MTERF3: variants seen among roughly 807,000 people sequenced by gnomAD.
MTERF3 encodes transcription termination factor 3, mitochondrial.
Under a neutral mutation model 40.5 loss-of-function variants are expected in MTERF3, and 40 were observed. The ratio of observed to expected loss-of-function variants is 0.99; its 90% CI spans 0.77 to 1.29. MTERF3 has a LOEUF of 1.29. MTERF3 is among the 50% of genes most tolerant of loss of function. MTERF3 has a pLI of 0.00. For missense variants in MTERF3, 452 were observed against 478.2 expected (o/e 0.95, Z 0.51); for synonymous variants, 158 against 166.6 (o/e 0.95, Z 0.40).
intron 3 of MTERF3, among the ~76,000 whole-genome samples, chr8:96,256,571 T>G (rs1388532117): frequency 6.6e-6 from 1 of 151,984 alleles, no homozygotes; most frequent in African/African-American, 2.4e-5. Flanking sequence ...TAGTCATAAT[T>G]TAACTACTGA....
At chr8:96,257,684 T>C (rs1020556102) in intron 2 of MTERF3, among the ~76,000 whole-genome samples, 8 of 152,156 alleles carry the variant, frequency 5.3e-5, no homozygotes, top group Non-Finnish European at 1.0e-4. Context: ...AAACGCAGCA[T>C]GGAAGACACT....
At chr8:96,250,624 AAGAAGAAGAAGAAGAAGAAGAAGAAG>A (rs1810136698) in intron 4 of MTERF3, among the ~76,000 whole-genome samples, 1 of 12,734 alleles carries the variant, frequency 7.9e-5, no homozygotes, top group South Asian at 3.3e-3. Context: ...GCAGAAGAAG[AAGAAGAAGAAGAAGAAGAAGAAGAAG>A]AAGAAGAAGA....
chr8:96,239,954 G>A (rs1487820778), intron 7 of MTERF3: 4 of 608,944 alleles, frequency 6.6e-6, no homozygotes, highest in Non-Finnish European at 1.2e-5. Flanking sequence ...AGACAGAGGA[G>A]AATGTGTTAA....
intron 3 of MTERF3, among the ~76,000 whole-genome samples, chr8:96,251,626 T>A (rs1457082837): frequency 1.3e-5 from 2 of 152,138 alleles, no homozygotes; most frequent in African/African-American, 4.8e-5. Flanking sequence ...ACACGTCCCT[T>A]GAAGAAACTC....
At chr8:96,248,336 A>T (rs1810060070) in intron 4 of MTERF3, among the ~76,000 whole-genome samples, 1 of 152,260 alleles carries the variant, frequency 6.6e-6, no homozygotes, top group African/African-American at 2.4e-5. Flanking sequence ...ATGCTTATCA[A>T]TAGGTACTAG....
In MTERF3 at chr8:96,252,394, T is replaced by C. The variant is rs1328688299; in HGVS notation, c.488-1299A>G. Among the ~76,000 whole-genome samples the C allele has an allele frequency of 2.6e-5, 4 of 152,222 alleles. No homozygotes were observed. The East Asian group carries it at 7.7e-4, about 29-fold the overall frequency. ...TCTTTATATCTTATACGGAAATTAATTCTAGATAAAGAATCTAAACATACA... is the reference window on the plus strand; with the variant it reads ...TCTTTATATCTTATACGGAAATTAACTCTAGATAAAGAATCTAAACATACA... On this transcript the variant is annotated intron_variant, in intron 3 of 7. Transcript: ENST00000287025.
chr8:96,239,871 C>A, intron 7 of MTERF3, 186 bp from the exon 8 acceptor site: 3 of 700,794 alleles, frequency 4.3e-6, no homozygotes, highest in South Asian at 1.5e-5. Flanking sequence ...AAAAGGGATT[C>A]AAAATCAACA....
In MTERF3 at chr8:96,250,947, A is replaced by AT. The variant is rs759886730; in HGVS notation, c.635dup (p.Asn212LysfsTer7). 2.6e-5 allele frequency: 42 copies of AT among 1,609,002 alleles called. No individual in the cohort carries two copies. In the South Asian group the frequency reaches 3.5e-4, roughly 13 times the overall value. On this transcript the variant is annotated frameshift_variant, in exon 4 of 8. Transcript: ENST00000287025. LOFTEE classifies it high-confidence loss of function. ...CAAGGTCTTCAGAGAAAATTGCATG[A>AT]TTTTTTGTCAGGAATGCTCCCAGTT...
At chr8:96,242,631 A>G (rs913878310) in intron 7 of MTERF3, among the ~76,000 whole-genome samples, 6 of 152,260 alleles carry the variant, frequency 3.9e-5, no homozygotes, top group Non-Finnish European at 7.3e-5. Context: ...GTGTTAATAC[A>G]AATAAAGCAA....
chr8:96,251,093 C>A lies in MTERF3; in HGVS notation c.490G>T (p.Val164Leu), dbSNP rs549182133. Residue 164 changes from valine (V) to leucine (L), a missense_variant and splice_region_variant, in exon 4 of 8, where the codon GTG (valine) becomes TTG (leucine). Coordinates refer to ENST00000287025, the MANE Select transcript of MTERF3 (RefSeq NM_015942.5). ...TGTTTTTCTATCTTGGACAAATCCA[C>A]GCCTATAATAAATTATAAATACTGT... is the stretch of plus-strand genomic sequence containing the variant. The part of the protein sequence containing the change: ...ETLQKLVLLG[V>L]DLSKIEKHPE... 2 of 1,569,080 alleles carry A rather than the reference C, an allele frequency of 1.3e-6. No homozygotes were observed. The highest frequency in any genetic ancestry group is 2.2e-5 in the Admixed American group (1 of 45,350).
chr8:96,249,252 C>T (rs893096589), intron 4 of MTERF3, among the ~76,000 whole-genome samples: 8 of 152,168 alleles, frequency 5.3e-5, no homozygotes, highest in Admixed American at 1.3e-4. Context: ...AACCTCTCTG[C>T]GACTCCTATG....
At position 96,258,572 on chromosome 8, in the gene MTERF3, C is replaced by T. The variant is rs148966759; in HGVS notation, c.119G>A (p.Gly40Asp). ...GGATATCTGAGGCTGAGCAGAAAAG[C>T]CATGTAACAGTGTTCTTGCTGGTCT... ...FTRPARTLLHGFSAQPQISSD... is the reference protein window; with the variant it reads ...FTRPARTLLHDFSAQPQISSD... The change falls in exon 2 of 8, where the codon GGC (glycine) becomes GAC (aspartate). Residue 40 changes from glycine to aspartate, a missense_variant. Transcript: ENST00000287025. The T allele has an allele frequency of 4.3e-6, 7 of 1,613,970 alleles. No homozygotes were observed. The East Asian group carries it at 1.6e-4, about 36-fold the overall frequency.
intron 3 of MTERF3, among the ~76,000 whole-genome samples, chr8:96,254,167 T>C (rs551654573): frequency 1.3e-5 from 2 of 152,332 alleles, no homozygotes; most frequent in Admixed American, 1.3e-4. Flanking sequence ...TTTTAAATTA[T>C]ATGTTTATGG....
Position 96,246,496 on chromosome 8 carries a change from ATTCT to A in MTERF3, c.678-46_678-43del, listed in dbSNP as rs748207347. On this transcript the variant is annotated intron_variant, in intron 4 of 7. Coordinates refer to ENST00000287025, the MANE Select transcript of MTERF3 (RefSeq NM_015942.5). ...ACATACGCATGTGATAAACACTTAC[ATTCT>A]TTTTTTTTGAGATGGAGTCTCATGC... 5.3e-6 allele frequency: 8 copies of A among 1,507,982 alleles called. No homozygotes were observed. The South Asian group carries it at 1.0e-4, about 19-fold the overall frequency. The allele number at this position is 1,507,982 out of a possible 1,614,324, so 93.4% of individuals were successfully genotyped here. A position where few individuals can be genotyped will look rare whatever the true frequency, so the allele number is the denominator to read the frequency against.
Position 96,257,094 on chromosome 8 carries a change from A to G in MTERF3, c.355T>C (p.Leu119=). Residue 119 remains leucine (L), a synonymous_variant, in exon 3 of 8, where the codon TTG becomes CTG. Coordinates refer to ENST00000287025, the MANE Select transcript of MTERF3 (RefSeq NM_015942.5). ...FLEELDELPP[L]SPMQPISEEE... ...TCTGAAATTGGCTGCATTGGAGACA[A>G]TGGAGGCAATTCATCCAGTTCTTTG... 1 of 1,612,420 alleles carries G rather than the reference A, an allele frequency of 6.2e-7. No homozygotes were observed. Among genetic ancestry groups the G allele is most frequent in the South Asian group, 1.1e-5 (1 of 90,652 alleles).
At chr8:96,246,499 CTT>C in intron 4 of MTERF3, 45 bp from the exon 5 acceptor site, 3 of 1,437,396 alleles carry the variant, frequency 2.1e-6, no homozygotes, top group South Asian at 1.4e-5. Context: ...CACTTACATT[CTT>C]TTTTTTTGAG....
intron 7 of MTERF3, among the ~76,000 whole-genome samples, chr8:96,242,043 A>T (rs1809939808): frequency 6.6e-6 from 1 of 152,212 alleles, no homozygotes; most frequent in Non-Finnish European, 1.5e-5. Flanking sequence ...AATTAATCGT[A>T]AGTCAGATCT....
Position 96,239,407 on chromosome 8 carries a change from T to G in MTERF3, c.*84A>C. 9.1e-7 allele frequency: 1 copy of G among 1,103,432 alleles called. No individual in the cohort carries two copies. The highest frequency in any genetic ancestry group is 2.8e-5 in the East Asian group (1 of 35,918). 68.4% of individuals were successfully genotyped at this position (1,103,432 alleles called of 1,614,324 possible). The stretch of plus-strand genomic sequence containing the variant: ...GTATCAAATGGTTTCCAATATCAGT[T>G]GAGACCCGAGGCATTTAAAAATATA... On this transcript the variant is annotated 3_prime_UTR_variant, in exon 8 of 8. Transcript: ENST00000287025.
At chr8:96,250,678 A>G (rs796624037) in intron 4 of MTERF3, among the ~76,000 whole-genome samples, 3,090 of 34,168 alleles carry the variant, frequency 0.09, 934 homozygotes, top group African/African-American at 0.44. Flanking sequence ...GAAGAAGAAG[A>G]AGAAGGAGGA....
Sources: allele counts gnomAD v4.1 joint callset (sites outside exome capture counted in the v4.1 genomes callset), GRCh38; gene constraint gnomAD v4.1.1; transcripts MANE v1.5; gene names NCBI Gene and HGNC (gene_info 2026-07-23, HGNC 2026-07-21).